Variants in ATAD2B observed in about 807,000 individuals in gnomAD.
ATAD2B encodes the protein ATPase family AAA domain containing 2B.
ATAD2B carries 40 observed loss-of-function variants against 167.6 expected under a neutral mutation model. The observed-to-expected ratio is 0.24, with a 90% confidence interval of 0.19 to 0.31. ATAD2B has a LOEUF of 0.31. Among genes scored for constraint, ATAD2B ranks in the 10% least tolerant of loss-of-function variants. The pLI, the probability that ATAD2B is intolerant of heterozygous loss-of-function variation, is 1.00. For synonymous variants in ATAD2B, 579 were observed against 596.5 expected, an observed-to-expected ratio of 0.97 and a Z score of 0.43; for missense variants, 1,242 against 1,757.2, an observed-to-expected ratio of 0.71 and a Z score of 5.24.
chr2:23,696,596 C>A, the ATAD2B span: 1 of 1,124,252 alleles, frequency 8.9e-7, no homozygotes, highest in Non-Finnish European at 1.3e-6. This position sits in a 1 kb window ranked among gnomAD's most constrained non-coding sequence, Gnocchi z 5.5. Flanking sequence ...CCTCCCAACA[C>A]CCACTCAGTG....
intron 8 of ATAD2B, among the ~76,000 whole-genome samples, chr2:23,875,055 CA>C (rs66995474): frequency 1.3e-4 from 16 of 127,282 alleles, no homozygotes; most frequent in Admixed American, 2.5e-4. Context: ...GATTCCATCT[CA>C]AAAAAAAAAA....
At position 23,749,294 on chromosome 2, in the gene ATAD2B, A is replaced by G. The variant is rs1386531126; in HGVS notation, c.*2752T>C. The G allele has an allele frequency of 6.6e-6, 1 of 152,158 alleles. No individual in the cohort carries two copies. The highest frequency in any genetic ancestry group is 1.9e-4 in the East Asian group (1 of 5,200). 9.4% of individuals were successfully genotyped at this position (152,158 alleles called of 1,614,324 possible). A position where few individuals can be genotyped will look rare whatever the true frequency, so the allele number is the denominator to read the frequency against. On this transcript the variant is annotated 3_prime_UTR_variant, in exon 28 of 28. Coordinates refer to ENST00000238789, the MANE Select transcript of ATAD2B (RefSeq NM_017552.4). ...GCCCCCAGGGTCCCCACAGCTGAGC[A>G]TGAATTATTGCTGAGCTATGCTGTG...
intron 8 of ATAD2B, among the ~76,000 whole-genome samples, chr2:23,874,461 G>A (rs1696500235): frequency 6.6e-6 from 1 of 152,138 alleles, no homozygotes; most frequent in South Asian, 2.1e-4. Context: ...GCTCATGCCT[G>A]TAATCCCAGC....
chr2:23,683,798 G>A, the ATAD2B span, among the ~76,000 whole-genome samples: 5 of 152,104 alleles, frequency 3.3e-5, no homozygotes, highest in African/African-American at 9.7e-5. Flanking sequence ...TTGCTTTCCC[G>A]AAAAGTCCCC....
chr2:23,862,018 C>T (rs886720525), intron 12 of ATAD2B, among the ~76,000 whole-genome samples: 6 of 152,166 alleles, frequency 3.9e-5, no homozygotes, highest in African/African-American at 1.4e-4. Flanking sequence ...CTAGGCAACA[C>T]CTTGGGACCC....
chr2:23,699,203 T>C, the ATAD2B span, among the ~76,000 whole-genome samples: 1 of 152,216 alleles, frequency 6.6e-6, no homozygotes, highest in Admixed American at 6.5e-5. Flanking sequence ...TCCTGGGCTC[T>C]GGGCTGTGAC....
chr2:23,720,303 G>A, the ATAD2B span, among the ~76,000 whole-genome samples: 5 of 152,194 alleles, frequency 3.3e-5, no homozygotes, highest in Admixed American at 1.3e-4. Context: ...GCCAGGTGTG[G>A]TAGCCCACAC....
At chr2:23,886,254 C>A (rs1166210426) in intron 4 of ATAD2B, among the ~76,000 whole-genome samples, 1 of 152,036 alleles carries the variant, frequency 6.6e-6, no homozygotes, top group Non-Finnish European at 1.5e-5. Context: ...CAATTAAATA[C>A]CTCTTTCATA....
At chr2:23,709,895 A>T in the ATAD2B span, among the ~76,000 whole-genome samples, 3 of 152,228 alleles carry the variant, frequency 2.0e-5, no homozygotes, top group Non-Finnish European at 2.9e-5. Context: ...AAATCAAGAG[A>T]AACACATTCT....
At position 23,926,876 on chromosome 2, in the gene ATAD2B, G is replaced by C. The variant is rs1224087278; in HGVS notation, c.-106C>G. On this transcript the variant is annotated 5_prime_UTR_variant, in exon 1 of 28. Coordinates refer to ENST00000238789, the MANE Select transcript of ATAD2B (RefSeq NM_017552.4). ...AGCGGAGCCGAGCCGGGCAATGAGA[G>C]ACGAGCCGGCCCGGAGCGTGCGGAG... is the stretch of plus-strand genomic sequence containing the variant. The C allele has an allele frequency of 3.7e-6, 5 of 1,346,358 alleles. No homozygotes were observed. In the East Asian group the frequency reaches 1.4e-4, roughly 37 times the overall value. 83.4% of individuals were successfully genotyped at this position (1,346,358 alleles called of 1,614,324 possible).
chr2:23,892,312 C>T (rs566339556), intron 2 of ATAD2B, among the ~76,000 whole-genome samples: 1 of 152,048 alleles, frequency 6.6e-6, no homozygotes, highest in Non-Finnish European at 1.5e-5. Context: ...TACAGGCACC[C>T]GCCACCACGC....
intron 25 of ATAD2B, chr2:23,754,982 A>G: frequency 9.0e-6 from 4 of 445,956 alleles, no homozygotes; most frequent in Non-Finnish European, 1.6e-5. Flanking sequence ...ACTAAACTAC[A>G]ACTTAAAAAG....
At chr2:23,853,589 A>T (rs1288631865) in intron 13 of ATAD2B, among the ~76,000 whole-genome samples, 1 of 152,268 alleles carries the variant, frequency 6.6e-6, no homozygotes, top group Non-Finnish European at 1.5e-5. Flanking sequence ...CAGAATTACC[A>T]TGTTCATAGA....
chr2:23,869,937 GA>G (rs1054548865), intron 8 of ATAD2B, among the ~76,000 whole-genome samples, 176 bp from the exon 9 acceptor site: 1 of 150,170 alleles, frequency 6.7e-6, no homozygotes, highest in African/African-American at 2.4e-5. Flanking sequence ...CAGAGAAAAA[GA>G]AAAAAAAAGG....
chr2:23,865,475 G>A (rs1695001914), intron 10 of ATAD2B, among the ~76,000 whole-genome samples: 1 of 151,030 alleles, frequency 6.6e-6, no homozygotes, highest in Admixed American at 6.6e-5. Flanking sequence ...GTTGCAGTGA[G>A]CTGAGATCGC....
rs944010076 is a variant in ATAD2B at position 23,769,359 on chromosome 2, G to T, written c.3134-3731C>A. Among the ~76,000 whole-genome samples, 5 of 152,110 alleles carry T rather than the reference G, an allele frequency of 3.3e-5. No homozygotes were observed. The South Asian group carries it at 6.2e-4, about 19-fold the overall frequency. ...AGGAGGCTGAGGCAGAGAATTGCTT[G>T]AACCCAGGAGGCAGAGGTTGCAGTG... On this transcript the variant is annotated intron_variant, in intron 22 of 27. Coordinates refer to ENST00000238789, the MANE Select transcript of ATAD2B (RefSeq NM_017552.4).
intron 25 of ATAD2B, among the ~76,000 whole-genome samples, chr2:23,756,540 A>G (rs1484601410): frequency 1.3e-5 from 2 of 152,188 alleles, no homozygotes; most frequent in Admixed American, 6.5e-5. Flanking sequence ...AGCAGGGTAG[A>G]TATCAACTCA....
chr2:23,905,571 G>A (rs1434551497), intron 1 of ATAD2B, among the ~76,000 whole-genome samples: 1 of 152,114 alleles, frequency 6.6e-6, no homozygotes, highest in Admixed American at 6.6e-5. Flanking sequence ...AAGTTGTACA[G>A]ACAGGACCAA....
At chr2:23,926,498 C>T (rs1287269627) in intron 1 of ATAD2B, 57 bp downstream of exon 1, 5 of 1,516,598 alleles carry the variant, frequency 3.3e-6, no homozygotes, top group Non-Finnish European at 3.5e-6. Context: ...CCAGACAAAG[C>T]CCCGGCAGCA....
Sources: allele counts gnomAD v4.1 joint callset (sites outside exome capture counted in the v4.1 genomes callset), GRCh38; gene constraint gnomAD v4.1.1; non-coding constraint Gnocchi (gnomAD v3.1); transcripts MANE v1.5; gene names NCBI Gene and HGNC (gene_info 2026-07-23, HGNC 2026-07-21).